SEPTIN14: variants seen among roughly 807,000 people sequenced by gnomAD.
SEPTIN14 encodes the protein septin 14.
A neutral mutation model predicts 53.6 loss-of-function variants in SEPTIN14; 40 were observed. The observed-to-expected ratio is 0.75, with a 90% CI of 0.58 to 0.97. The LOEUF is 0.97. Ranked by LOEUF, SEPTIN14 falls within the 50% of genes least tolerant of loss-of-function variation. SEPTIN14 has a pLI of 0.00. For synonymous variants in SEPTIN14, 138 were observed against 166.8 expected (o/e 0.83, Z 1.33); for missense variants, 471 against 508.2 (o/e 0.93, Z 0.70).
At chr7:55,814,576 A>G (rs1788761197) in intron 7 of SEPTIN14, among the ~76,000 whole-genome samples, 1 of 152,246 alleles carries the variant, frequency 6.6e-6, no homozygotes, top group African/African-American at 2.4e-5. Context: ...TAAAATACCT[A>G]GAAATAAACA....
intron 5 of SEPTIN14, 135 bp downstream of exon 5, chr7:55,842,807 G>A: frequency 2.2e-6 from 1 of 459,966 alleles, no homozygotes; most frequent in Non-Finnish European, 3.7e-6. Flanking sequence ...CAGCTACTCG[G>A]GAGGCTGAAG....
At chr7:55,811,865 C>T (rs1788712211) in intron 7 of SEPTIN14, among the ~76,000 whole-genome samples, 1 of 151,730 alleles carries the variant, frequency 6.6e-6, no homozygotes, top group South Asian at 2.1e-4. Context: ...GCAATCTCGG[C>T]TCACTGCCAC....
intron 2 of SEPTIN14, among the ~76,000 whole-genome samples, chr7:55,850,484 C>T (rs751454763): frequency 1.1e-4 from 16 of 151,874 alleles, no homozygotes; most frequent in Non-Finnish European, 1.9e-4. Context: ...AACAAACAAA[C>T]GAACAAAAAA....
chr7:55,825,685 G>A (rs187437567), intron 6 of SEPTIN14, among the ~76,000 whole-genome samples: 1 of 152,122 alleles, frequency 6.6e-6, no homozygotes, highest in African/African-American at 2.4e-5. Context: ...AGAAGGATGG[G>A]GCCGGGCGTG....
chr7:55,798,524 GC>G, intron 9 of SEPTIN14: 1 of 330,076 alleles, frequency 3.0e-6, no homozygotes, highest in Non-Finnish European at 5.9e-6. Flanking sequence ...ATGATGTCAG[GC>G]CCAGTCTCTC....
chr7:55,849,106 C>T (rs527453415), intron 2 of SEPTIN14, among the ~76,000 whole-genome samples: 18 of 152,060 alleles, frequency 1.2e-4, no homozygotes, highest in African/African-American at 4.3e-4. Flanking sequence ...AGAAGGATCA[C>T]TTGAGGTTAG....
chr7:55,799,517 TC>T (rs1452007182), intron 9 of SEPTIN14, among the ~76,000 whole-genome samples: 2 of 54,212 alleles, frequency 3.7e-5, no homozygotes, highest in Non-Finnish European at 6.0e-5. Context: ...GACTCTTGTC[TC>T]AAAAAAAAAA....
At chr7:55,832,355 C>T (rs917470678) in intron 6 of SEPTIN14, among the ~76,000 whole-genome samples, 1 of 152,112 alleles carries the variant, frequency 6.6e-6, no homozygotes, top group African/African-American at 2.4e-5. Flanking sequence ...ATAGAGATTT[C>T]TCGAAGCACT....
chr7:55,832,379 C>T (rs534015252), intron 6 of SEPTIN14, among the ~76,000 whole-genome samples: 3 of 152,206 alleles, frequency 2.0e-5, no homozygotes, highest in African/African-American at 7.2e-5. Flanking sequence ...AATAGAGCTA[C>T]CATTTGGCCC....
In SEPTIN14 at chr7:55,842,971, G is replaced by T. The variant is rs763412407; in HGVS notation, c.529C>A (p.Leu177Ile). 3.8e-5 allele frequency: 58 copies of T among 1,543,456 alleles called. No homozygotes were observed. Among genetic ancestry groups the T allele is most frequent in the Non-Finnish European group, 4.9e-5 (56 of 1,147,564 alleles). Residue 177 changes from leucine (L) to isoleucine (I), a missense_variant, in exon 5 of 10, where the codon CTA becomes ATA. Leu to Ile is a conservative substitution (Grantham distance 5). Transcript: ENST00000388975. ...CTGTCAAGGTTCTTCATTGTTAATA[G>T]ATCAAGAGACTTCAGGGAATGTCCT... is the stretch of plus-strand genomic sequence containing the variant. ...PTGHSLKSLD[L>I]LTMKNLDSKV...
At chr7:55,817,478 T>TATA (rs200629230) in intron 7 of SEPTIN14, among the ~76,000 whole-genome samples, 86 of 112,546 alleles carry the variant, frequency 7.6e-4, no homozygotes, top group African/African-American at 2.8e-3. Context: ...ATATATATAT[T>TATA]TTTTTTTTTT....
At position 55,846,544 on chromosome 7, in the gene SEPTIN14, C is replaced by T. The variant is rs1394595236; in HGVS notation, c.148G>A (p.Gly50Arg). The T allele has an allele frequency of 6.3e-6, 10 of 1,596,682 alleles. No homozygotes were observed. Among genetic ancestry groups the T allele is most frequent in the Non-Finnish European group, 7.7e-6 (9 of 1,170,562 alleles). The change falls in exon 3 of 10, where the codon GGA becomes AGA. Residue 50 changes from glycine (G) to arginine (R), a missense_variant. By Grantham distance (125) the Gly-to-Arg change is moderately radical. Transcript: ENST00000388975. ...ACACAGAGAATATTAAAAGTGAATC[C>T]TTGTCGGATAGATCTGCTCACCAAC... ...NQLVSRSIRQGFTFNILCVGE... is the reference protein window; with the variant it reads ...NQLVSRSIRQRFTFNILCVGE...
intron 7 of SEPTIN14, among the ~76,000 whole-genome samples, chr7:55,817,460 T>A (rs947680137): frequency 2.7e-5 from 4 of 146,582 alleles, no homozygotes; most frequent in Admixed American, 6.8e-5. Flanking sequence ...TAACAATATT[T>A]TATATATATA....
At chr7:55,800,099 T>G (rs1788501901) in intron 9 of SEPTIN14, among the ~76,000 whole-genome samples, 1 of 152,136 alleles carries the variant, frequency 6.6e-6, no homozygotes, top group East Asian at 1.9e-4. Context: ...TGAAGCACTA[T>G]TCATAATAGC....
chr7:55,796,648 C>T (rs181446789), intron 9 of SEPTIN14, among the ~76,000 whole-genome samples: 24 of 152,056 alleles, frequency 1.6e-4, no homozygotes, highest in African/African-American at 5.3e-4. Flanking sequence ...GATGCAGTGG[C>T]TCATGCTTGT....
rs1789420610 is a variant in SEPTIN14, at chr7:55,846,582, C to T, written c.110G>A (p.Cys37Tyr). The T allele has an allele frequency of 6.4e-7, 1 of 1,555,650 alleles. No individual in the cohort carries two copies. The highest frequency in any genetic ancestry group is 8.9e-7 in the Non-Finnish European group (1 of 1,129,238). ...LTTIGHFGFE[C>Y]LPNQLVSRSI... ...TCTGCTCACCAACTGATTGGGCAAA[C>T]ATTCAAAACCAAAATGTCCAATCGT... The change falls in exon 3 of 10, where the codon TGT becomes TAT. Residue 37 changes from cysteine (C) to tyrosine (Y), a missense_variant. Physicochemically the swap from Cys to Tyr is radical, Grantham distance 194. Coordinates refer to ENST00000388975, the MANE Select transcript of SEPTIN14 (RefSeq NM_207366.3).
intron 6 of SEPTIN14, among the ~76,000 whole-genome samples, chr7:55,828,961 A>G (rs1427550081): frequency 1.3e-5 from 2 of 151,932 alleles, no homozygotes; most frequent in Admixed American, 1.3e-4. Context: ...TACAACTCAT[A>G]AGTTTGGTTG....
rs148009200 is a variant in SEPTIN14, at chr7:55,834,303, T to C, written c.720+122A>G. 9.5e-4 allele frequency: 609 copies of C among 644,346 alleles called. 6 individuals are homozygous for C. In the African/African-American group the frequency reaches 9.5e-3, roughly 10 times the overall value. The allele number at this position is 644,346 out of a possible 1,614,324, so 39.9% of individuals were successfully genotyped here. A position where few individuals can be genotyped will look rare whatever the true frequency, so the allele number is the denominator to read the frequency against. ...TATGAATTAAATCTAAATAAATCTG[T>C]TTACAAAGAATCGATTCTCAGCAGA... On this transcript the variant is annotated intron_variant, in intron 6 of 9. Transcript: ENST00000388975.
Position 55,834,473 on chromosome 7 carries a change from C to G in SEPTIN14, c.672G>C (p.Gln224His), listed in dbSNP as rs1294428248. ...CAGCAGTTTCTTCATCTGTTGGGAG[C>G]TGATATATCTGGATGCCATTGCTAA... The part of the protein sequence containing the change: ...ELISNGIQIY[Q>H]LPTDEETAAQ... The change falls in exon 6 of 10, where the codon CAG (glutamine) becomes CAC (histidine). Residue 224 changes from glutamine to histidine, a missense_variant. Coordinates refer to ENST00000388975, the MANE Select transcript of SEPTIN14 (RefSeq NM_207366.3). 2 of 1,612,874 alleles carry G rather than the reference C, an allele frequency of 1.2e-6. No homozygotes were observed. Among genetic ancestry groups the G allele is most frequent in the African/African-American group, 1.3e-5 (1 of 74,900 alleles).
Sources: gnomAD v4.1 joint callset for allele counts (sites outside exome capture counted in the v4.1 genomes callset) on GRCh38, gnomAD v4.1.1 for gene constraint, MANE v1.5 for transcripts, NCBI Gene and HGNC (gene_info 2026-07-23, HGNC 2026-07-21) for gene names.